DCC: variants seen among roughly 807,000 people sequenced by gnomAD.
DCC encodes the protein netrin receptor DCC.
A neutral mutation model predicts 172.5 loss-of-function variants in DCC; 58 were observed. The ratio of observed to expected loss-of-function variants is 0.34; its 90% confidence interval spans 0.27 to 0.42. The LOEUF (loss-of-function observed/expected upper bound fraction) is 0.42. Ranked by LOEUF, DCC falls within the 10% of genes least tolerant of loss-of-function variation. The pLI, the probability that DCC is intolerant of heterozygous loss-of-function variation, is 1.00. For synonymous variants in DCC, 709 were observed against 644.5 expected (o/e 1.10, Z -1.52); for missense variants, 1,740 against 1,791.0 (o/e 0.97, Z 0.51).
At chr18:52,662,108 A>C (rs368978949) in intron 1 of DCC, among the ~76,000 whole-genome samples, 1 of 152,234 alleles carries the variant, frequency 6.6e-6, no homozygotes, top group East Asian at 1.9e-4. Context: ...TCCTTGCATC[A>C]GAATCAGCTG....
At chr18:52,999,202 T>G (rs1016129164) in intron 5 of DCC, among the ~76,000 whole-genome samples, 1 of 147,934 alleles carries the variant, frequency 6.8e-6, no homozygotes, top group Non-Finnish European at 1.5e-5. Flanking sequence ...GCAACAACAT[T>G]TTTTTTTTGT....
intron 1 of DCC, among the ~76,000 whole-genome samples, chr18:52,735,213 G>T (rs1195527430): frequency 1.3e-5 from 2 of 152,062 alleles, no homozygotes; most frequent in Admixed American, 6.6e-5. Context: ...ACCTTCCCCA[G>T]GAATTCCCTT....
chr18:52,776,936 C>G (rs1217942114), intron 2 of DCC, among the ~76,000 whole-genome samples: 1 of 152,104 alleles, frequency 6.6e-6, no homozygotes, highest in Non-Finnish European at 1.5e-5. Context: ...AACCACGTAT[C>G]CAAGAGGAGA....
At chr18:52,693,837 C>T (rs1448966936) in intron 1 of DCC, among the ~76,000 whole-genome samples, 1 of 151,918 alleles carries the variant, frequency 6.6e-6, no homozygotes, top group African/African-American at 2.4e-5. Context: ...TTACAATTCA[C>T]AATATAAAAT....
At chr18:52,880,943 C>A (rs1470195339) in intron 2 of DCC, among the ~76,000 whole-genome samples, 1 of 152,082 alleles carries the variant, frequency 6.6e-6, no homozygotes, top group Non-Finnish European at 1.5e-5. Flanking sequence ...ACAAACTGTT[C>A]TCCATAGGGG....
intron 6 of DCC, 200 bp downstream of exon 6, chr18:53,063,659 C>T (rs186022455): frequency 6.5e-4 from 353 of 544,034 alleles, no homozygotes; most frequent in Middle Eastern, 2.6e-3. Flanking sequence ...AGAATTCAGC[C>T]CCCTGGTTTT....
chr18:53,478,125 G>A (rs916413810), intron 25 of DCC, among the ~76,000 whole-genome samples: 7 of 152,342 alleles, frequency 4.6e-5, no homozygotes, highest in African/African-American at 1.4e-4. Flanking sequence ...GCAAGGGTGG[G>A]ATTGAACTGG....
chr18:53,381,262 A>G (rs1907708906), intron 15 of DCC, among the ~76,000 whole-genome samples: 1 of 152,026 alleles, frequency 6.6e-6, no homozygotes, highest in African/African-American at 2.4e-5. Context: ...ACCCTGAAAG[A>G]CTGAAAGGTA....
chr18:53,135,870 C>A (rs1305123201), intron 7 of DCC, among the ~76,000 whole-genome samples: 1 of 152,124 alleles, frequency 6.6e-6, no homozygotes, highest in Admixed American at 6.6e-5. Context: ...GTCACCCAAG[C>A]TTTGCAGCTT....
chr18:52,804,792 C>T (rs142143531), intron 2 of DCC, among the ~76,000 whole-genome samples: 535 of 152,220 alleles, frequency 3.5e-3, no homozygotes, highest in Middle Eastern at 0.017. Context: ...CCATGTTGGC[C>T]AGGATGATGT....
In DCC at chr18:52,567,853, T is replaced by A. The variant is rs534419874; in HGVS notation, c.92-184201T>A. Among the ~76,000 whole-genome samples the A allele has an allele frequency of 4.6e-5, 7 of 152,166 alleles. No homozygotes were observed. The East Asian group carries it at 1.4e-3, about 29-fold the overall frequency. On this transcript the variant is annotated intron_variant, in intron 1 of 28. Transcript: ENST00000442544. Reference sequence around the variant, plus strand: ...ACAGAGAGGTGAGGGAATTCCTTTATCAGGATGGAGCAGTTCTGTACTTTG... The same window carrying A: ...ACAGAGAGGTGAGGGAATTCCTTTAACAGGATGGAGCAGTTCTGTACTTTG...
intron 7 of DCC, among the ~76,000 whole-genome samples, chr18:53,070,010 C>A (rs1416965457): frequency 6.7e-6 from 1 of 148,224 alleles, no homozygotes; most frequent in African/African-American, 2.5e-5. Flanking sequence ...GACAGAATCT[C>A]ACTCTGTCTC....
chr18:52,923,601 C>T, intron 3 of DCC, 106 bp from the exon 4 acceptor site: 1 of 893,818 alleles, frequency 1.1e-6, no homozygotes, highest in Non-Finnish European at 1.8e-6. Flanking sequence ...TCATTGGCAT[C>T]TTTTCATTTT....
intron 21 of DCC, 198 bp downstream of exon 21, chr18:53,416,354 G>C: frequency 1.4e-6 from 1 of 698,072 alleles, no homozygotes; most frequent in Non-Finnish European, 2.6e-6. Flanking sequence ...AAATTTTCTT[G>C]AGAGGAAATT....
chr18:53,530,678 G>A lies in DCC; in HGVS notation c.*25G>A. ...ACATGTATTTCTGAATGGATGAGGT[G>A]AATTTTCCGGGAACTTTGCAGCATA... On this transcript the variant is annotated 3_prime_UTR_variant, in exon 29 of 29. Transcript: ENST00000442544. The A allele has an allele frequency of 7.8e-7, 1 of 1,279,824 alleles. No homozygotes were observed. The highest frequency in any genetic ancestry group is 1.5e-5 in the African/African-American group (1 of 68,492). 79.3% of individuals were successfully genotyped at this position (1,279,824 alleles called of 1,614,324 possible).
chr18:53,472,932 C>A (rs1398795294), intron 25 of DCC, among the ~76,000 whole-genome samples: 2 of 152,154 alleles, frequency 1.3e-5, no homozygotes, highest in South Asian at 2.1e-4. Flanking sequence ...CTTATATGTA[C>A]CCAGACTCAT....
At chr18:52,764,588 A>T (rs2037214186) in intron 2 of DCC, among the ~76,000 whole-genome samples, 1 of 152,120 alleles carries the variant, frequency 6.6e-6, no homozygotes, top group African/African-American at 2.4e-5. Context: ...TTATCATGTG[A>T]TGTCTGTACA....
At chr18:53,353,048 T>TA (rs11410743) in intron 15 of DCC, among the ~76,000 whole-genome samples, 15,924 of 152,098 alleles carry the variant, frequency 0.1, 892 homozygotes, top group Middle Eastern at 0.19. Context: ...AGAGTTTTAT[T>TA]AGAGTGGAGA....
Position 53,135,705 on chromosome 18 carries a change from G to C in DCC, c.1262-21651G>C, listed in dbSNP as rs538637053. On this transcript the variant is annotated intron_variant, in intron 7 of 28. Transcript: ENST00000442544. The stretch of plus-strand genomic sequence containing the variant: ...TTATGTTATTTTACTTTGCATGAAT[G>C]GGGGAAGAAACAGTGTTCAGCAATT... 4.7e-4 allele frequency among the ~76,000 whole-genome samples: 71 copies of C among 152,234 alleles called. No individual in the cohort carries two copies. The South Asian group carries it at 0.014, about 30-fold the overall frequency.
Sources: allele counts gnomAD v4.1 joint callset (sites outside exome capture counted in the v4.1 genomes callset), GRCh38; gene constraint gnomAD v4.1.1; transcripts MANE v1.5; gene names NCBI Gene and HGNC (gene_info 2026-07-23, HGNC 2026-07-21).